ZFPM2: variants seen among roughly 807,000 people sequenced by gnomAD.
The protein encoded by ZFPM2 is zinc finger protein ZFPM2.
ZFPM2 carries 20 observed loss-of-function variants against 98.6 expected under a neutral mutation model. That is an observed-to-expected ratio of 0.20 (90% CI 0.14 to 0.29). ZFPM2 has a LOEUF of 0.29. Among genes scored for constraint, ZFPM2 ranks in the 10% least tolerant of loss-of-function variants. ZFPM2 has a pLI of 1.00. For missense variants in ZFPM2, 1,310 were observed against 1,388.6 expected (o/e 0.94, Z 0.90); for synonymous variants, 518 against 502.7 (o/e 1.03, Z -0.41).
intron 6 of ZFPM2, among the ~76,000 whole-genome samples, chr8:105,796,184 A>C (rs997069248): frequency 6.6e-6 from 1 of 151,426 alleles, no homozygotes; most frequent in Non-Finnish European, 1.5e-5. Context: ...CTTTACTTTG[A>C]TTCTGATAGT....
At chr8:105,407,015 A>G (rs1180550848) in intron 1 of ZFPM2, among the ~76,000 whole-genome samples, 2 of 151,780 alleles carry the variant, frequency 1.3e-5, no homozygotes, top group Non-Finnish European at 2.9e-5. Flanking sequence ...GCTGCTAGGC[A>G]ACAGGTGAAT....
rs192162397 is a variant in ZFPM2 at position 105,473,427 on chromosome 8, A to G, written c.301+29046A>G. ...TTTAAACATTTTTCATGTTTATACC[A>G]TCTCTCCCTGACTAGCTGACTACCT... On this transcript the variant is annotated intron_variant, in intron 3 of 7. Transcript: ENST00000407775. 3.1e-3 allele frequency among the ~76,000 whole-genome samples: 467 copies of G among 152,274 alleles called. 2 individuals carry two copies. Among genetic ancestry groups the G allele is most frequent in the Non-Finnish European group, 5.6e-3 (382 of 68,022 alleles).
At chr8:105,521,416 AGG>A (rs1214951892) in intron 3 of ZFPM2, among the ~76,000 whole-genome samples, 1 of 131,682 alleles carries the variant, frequency 7.6e-6, no homozygotes, top group Non-Finnish European at 1.6e-5. Flanking sequence ...GGAGGGGGGG[AGG>A]GATGAGTCAA....
Position 105,802,226 on chromosome 8 carries a change from A to G in ZFPM2, c.2144A>G (p.Asp715Gly), listed in dbSNP as rs1246784173. 6.2e-7 allele frequency: 1 copy of G among 1,613,790 alleles called. No homozygotes were observed. The highest frequency in any genetic ancestry group is 8.5e-7 in the Non-Finnish European group (1 of 1,179,840). Reference sequence around the variant, plus strand: ...CAGTATTACTGTGCTACACGCCACGACCCTCCACTGAAGAGGTCTGCTTCC... The same window carrying G: ...CAGTATTACTGTGCTACACGCCACGGCCCTCCACTGAAGAGGTCTGCTTCC... ...HKQYYCATRH[D>G]PPLKRSASNK... Residue 715 changes from aspartate (D) to glycine (G), a missense_variant, in exon 8 of 8, where the codon GAC becomes GGC. Coordinates refer to ENST00000407775, the MANE Select transcript of ZFPM2 (RefSeq NM_012082.4).
At chr8:105,646,645 A>T (rs1817053729) in intron 5 of ZFPM2, among the ~76,000 whole-genome samples, 1 of 152,138 alleles carries the variant, frequency 6.6e-6, no homozygotes, top group Non-Finnish European at 1.5e-5. Context: ...TAGGCTGATG[A>T]CAATCCATTC....
intron 5 of ZFPM2, among the ~76,000 whole-genome samples, chr8:105,761,654 G>C (rs1413790361): frequency 1.3e-5 from 2 of 151,694 alleles, no homozygotes; most frequent in African/African-American, 4.8e-5. Flanking sequence ...TTTGACGCAC[G>C]GGCTTGTCTC....
At chr8:105,658,784 G>A (rs1371374318) in intron 5 of ZFPM2, among the ~76,000 whole-genome samples, 1 of 151,836 alleles carries the variant, frequency 6.6e-6, no homozygotes, top group Admixed American at 6.6e-5. Context: ...ATTTCTCTTT[G>A]TCTTATTAAT....
chr8:105,701,723 T>C (rs1173606600), intron 5 of ZFPM2, among the ~76,000 whole-genome samples: 1 of 152,198 alleles, frequency 6.6e-6, no homozygotes, highest in Non-Finnish European at 1.5e-5. Flanking sequence ...TACCTGAAAA[T>C]ATAGTCTTCA....
chr8:105,353,916 A>G (rs1487161391), intron 1 of ZFPM2, among the ~76,000 whole-genome samples: 2 of 152,208 alleles, frequency 1.3e-5, no homozygotes, highest in African/African-American at 4.8e-5. Flanking sequence ...TAAAACATCA[A>G]TAAACTGTGG....
chr8:105,416,881 TTA>T (rs912373887), intron 1 of ZFPM2, among the ~76,000 whole-genome samples: 1 of 152,190 alleles, frequency 6.6e-6, no homozygotes, highest in Non-Finnish European at 1.5e-5. Flanking sequence ...GAATAAATAA[TTA>T]TGTTAATATG....
intron 4 of ZFPM2, among the ~76,000 whole-genome samples, chr8:105,610,409 G>A (rs1370908143): frequency 3.9e-5 from 6 of 152,062 alleles, no homozygotes; most frequent in Non-Finnish European, 8.8e-5. Flanking sequence ...GTGCTGACAG[G>A]GCTCTTTGAA....
intron 3 of ZFPM2, among the ~76,000 whole-genome samples, chr8:105,471,850 G>A (rs576761647): frequency 6.6e-6 from 1 of 152,028 alleles, no homozygotes; most frequent in African/African-American, 2.4e-5. Context: ...TATCAGATAA[G>A]GAGACCTGCA....
chr8:105,331,376 T>C (rs759990686), intron 1 of ZFPM2, among the ~76,000 whole-genome samples: 4 of 151,570 alleles, frequency 2.6e-5, no homozygotes, highest in Admixed American at 6.6e-5. Context: ...GACATTCACT[T>C]TGATGTTCTT....
intron 3 of ZFPM2, among the ~76,000 whole-genome samples, chr8:105,504,994 A>G (rs1813669692): frequency 6.6e-6 from 1 of 152,172 alleles, no homozygotes; most frequent in Non-Finnish European, 1.5e-5. Flanking sequence ...AACATATTTG[A>G]CTATTCACAA....
intron 5 of ZFPM2, among the ~76,000 whole-genome samples, chr8:105,762,969 A>G (rs1460128170): frequency 6.6e-6 from 1 of 151,760 alleles, no homozygotes; most frequent in Non-Finnish European, 1.5e-5. Context: ...GTCTAAATAG[A>G]TGAGAATTAT....
At chr8:105,387,353 CG>C (rs1811015222) in intron 1 of ZFPM2, 2 of 163,672 alleles carry the variant, frequency 1.2e-5, no homozygotes, top group African/African-American at 4.8e-5. Context: ...CTTGGGTGGT[CG>C]ATGGGACTGG....
chr8:105,731,384 A>G (rs1193817996), intron 5 of ZFPM2, among the ~76,000 whole-genome samples: 1 of 151,608 alleles, frequency 6.6e-6, no homozygotes, highest in African/African-American at 2.4e-5. Context: ...ACTCTTGAAA[A>G]TCAACGAGAA....
intron 5 of ZFPM2, among the ~76,000 whole-genome samples, chr8:105,731,645 G>A (rs1352738271): frequency 6.6e-6 from 1 of 151,440 alleles, no homozygotes; most frequent in Non-Finnish European, 1.5e-5. Context: ...AATATAGAGG[G>A]GGAGCTTCAA....
chr8:105,561,246 A>G (rs1436133900), intron 3 of ZFPM2, 117 bp from the exon 4 acceptor site: 1 of 778,400 alleles, frequency 1.3e-6, no homozygotes, highest in African/African-American at 1.7e-5. Flanking sequence ...AAGCATAATT[A>G]ATTCTCTTTA....
Sources: allele counts gnomAD v4.1 joint callset (sites outside exome capture counted in the v4.1 genomes callset), GRCh38; gene constraint gnomAD v4.1.1; transcripts MANE v1.5; gene names NCBI Gene and HGNC (gene_info 2026-07-23, HGNC 2026-07-21).